Variants in NPFFR2 observed in about 807,000 individuals in gnomAD.
NPFFR2 encodes neuropeptide FF receptor 2, also known as G-protein coupled receptor 74.
NPFFR2 carries 15 observed loss-of-function variants against 13.1 expected under a neutral mutation model. The observed-to-expected ratio is 1.15, with a 90% CI of 0.77 to 1.76. The LOEUF is 1.76. Among genes scored for constraint, NPFFR2 ranks in the 40% most tolerant of loss-of-function variants. NPFFR2 has a pLI of 0.00. For synonymous variants in NPFFR2, 190 were observed against 175.7 expected (o/e 1.08, Z -0.65); for missense variants, 572 against 503.5 (o/e 1.14, Z -1.30).
At chr4:72,088,573 A>C (rs1342397909) in intron 1 of NPFFR2, among the ~76,000 whole-genome samples, 1 of 152,064 alleles carries the variant, frequency 6.6e-6, no homozygotes, top group African/African-American at 2.4e-5. Context: ...TTTATAAAGA[A>C]AGGAGGCTTA....
intron 1 of NPFFR2, among the ~76,000 whole-genome samples, chr4:72,106,341 T>A (rs1180184476): frequency 6.6e-6 from 1 of 151,978 alleles, no homozygotes; most frequent in East Asian, 1.9e-4. Context: ...TTAGTGTTAA[T>A]GGCGAAGCTA....
At chr4:72,128,313 A>G (rs375895147) in intron 1 of NPFFR2, among the ~76,000 whole-genome samples, 2 of 152,332 alleles carry the variant, frequency 1.3e-5, no homozygotes, top group African/African-American at 2.4e-5. Flanking sequence ...GTGCATGCCA[A>G]AAGAAGTGAA....
At chr4:72,043,471 G>T (rs2109757622) in intron 1 of NPFFR2, among the ~76,000 whole-genome samples, 1 of 152,348 alleles carries the variant, frequency 6.6e-6, no homozygotes, top group African/African-American at 2.4e-5. Flanking sequence ...GTCAGTAAGG[G>T]GGCTGTGCCC....
chr4:72,128,238 T>A (rs1239521047), intron 1 of NPFFR2, among the ~76,000 whole-genome samples: 1 of 137,650 alleles, frequency 7.3e-6, no homozygotes, highest in Non-Finnish European at 1.7e-5. Context: ...AAGTGAGTCT[T>A]GACAGAATAT....
rs761341005 is a variant in NPFFR2, at chr4:72,147,634, C to G, written c.1085C>G (p.Ala362Gly). The change falls in exon 4 of 4, where the codon GCT (alanine) becomes GGT (glycine). Residue 362 changes from alanine (A) to glycine (G), a missense_variant. Coordinates refer to ENST00000308744, the MANE Select transcript of NPFFR2 (RefSeq NM_004885.3). The stretch of plus-strand genomic sequence containing the variant: ...CAAAAAAGAGCAAAGCCTATGGAAG[C>G]TTATGCCCTAAAAGCTAAAAGCCAT... ...LCQKRAKPME[A>G]YALKAKSHVL... is the part of the protein sequence containing the mutation. 1.2e-5 allele frequency: 20 copies of G among 1,614,126 alleles called. No individual in the cohort carries two copies. In the South Asian group the frequency reaches 1.8e-4, roughly 14 times the overall value.
At chr4:72,051,709 G>C (rs1719588588) in intron 1 of NPFFR2, among the ~76,000 whole-genome samples, 1 of 152,060 alleles carries the variant, frequency 6.6e-6, no homozygotes, top group South Asian at 2.1e-4. Context: ...TCCAGGATCT[G>C]GTTCTTTGAA....
At chr4:72,135,195 A>G (rs368870928) in intron 2 of NPFFR2, among the ~76,000 whole-genome samples, 93 of 152,236 alleles carry the variant, frequency 6.1e-4, no homozygotes, top group Middle Eastern at 6.8e-3. Context: ...AATCTTTTAG[A>G]ACTTCCCTTT....
At chr4:72,065,020 C>T (rs991111906) in intron 1 of NPFFR2, among the ~76,000 whole-genome samples, 6 of 150,674 alleles carry the variant, frequency 4.0e-5, no homozygotes, top group Admixed American at 3.3e-4. Flanking sequence ...AGCACAATAT[C>T]AATGCATCCA....
intron 1 of NPFFR2, 73 bp downstream of exon 1, chr4:72,032,273 C>A: frequency 1.4e-6 from 2 of 1,434,174 alleles, no homozygotes; most frequent in Non-Finnish European, 1.9e-6. Flanking sequence ...CCAACGCTTG[C>A]CTTGATGACA....
chr4:72,098,193 G>C (rs532666725), intron 1 of NPFFR2, among the ~76,000 whole-genome samples: 1 of 152,204 alleles, frequency 6.6e-6, no homozygotes, highest in African/African-American at 2.4e-5. Flanking sequence ...TGAAATCTAT[G>C]GGATTAAACA....
chr4:72,036,902 T>C lies in NPFFR2; in HGVS notation c.-8+4702T>C, dbSNP rs559204707. 9.2e-5 allele frequency among the ~76,000 whole-genome samples: 14 copies of C among 152,298 alleles called. No individual in the cohort carries two copies. The East Asian group carries it at 2.7e-3, about 29-fold the overall frequency. ...CAAATTTCGATTAAGTGCTTGCACA[T>C]GACCTTATGATTCTCATATCTTGGG... is the stretch of plus-strand genomic sequence containing the variant. On this transcript the variant is annotated intron_variant, in intron 1 of 3. Coordinates refer to ENST00000308744, the MANE Select transcript of NPFFR2 (RefSeq NM_004885.3).
chr4:72,093,905 C>A (rs1720980784), intron 1 of NPFFR2, among the ~76,000 whole-genome samples: 1 of 151,496 alleles, frequency 6.6e-6, no homozygotes, highest in African/African-American at 2.4e-5. Context: ...GGGTGATAAC[C>A]TTGTTTTGTC....
intron 3 of NPFFR2, 123 bp downstream of exon 3, chr4:72,138,262 CT>C (rs1437752422): frequency 1.5e-6 from 1 of 654,342 alleles, no homozygotes; most frequent in Non-Finnish European, 2.7e-6. Context: ...ATATCTACCT[CT>C]TTTTTTAAAT....
intron 2 of NPFFR2, among the ~76,000 whole-genome samples, chr4:72,132,197 C>T (rs914554328): frequency 4.6e-5 from 7 of 151,158 alleles, no homozygotes; most frequent in Non-Finnish European, 7.4e-5. Flanking sequence ...CAGTACGTGT[C>T]GTTCCCCTCT....
At chr4:72,109,803 T>G (rs1432732826) in intron 1 of NPFFR2, among the ~76,000 whole-genome samples, 1 of 152,002 alleles carries the variant, frequency 6.6e-6, no homozygotes, top group Non-Finnish European at 1.5e-5. Context: ...TGCTTTCATC[T>G]CTGTCCAATG....
In NPFFR2 at chr4:72,147,269, A is replaced by C; in HGVS notation, c.720A>C (p.Gly240=). The change falls in exon 4 of 4, where the codon GGA becomes GGC. Residue 240 remains glycine (G), a synonymous_variant. Transcript: ENST00000308744. ...APLSLIVIMY[G]RIGISLFRAA... The stretch of plus-strand genomic sequence containing the variant: ...TCTCCCTCATTGTCATCATGTATGG[A>C]AGGATTGGAATTTCACTCTTCAGGG... The C allele has an allele frequency of 6.2e-7, 1 of 1,614,064 alleles. No individual in the cohort carries two copies. The highest frequency in any genetic ancestry group is 8.5e-7 in the Non-Finnish European group (1 of 1,180,000).
intron 1 of NPFFR2, among the ~76,000 whole-genome samples, chr4:72,121,186 A>C (rs1300940340): frequency 6.6e-6 from 1 of 152,080 alleles, no homozygotes; most frequent in Non-Finnish European, 1.5e-5. Flanking sequence ...TAAAGCGTGA[A>C]GACAAGACTA....
rs1025719017 is a variant in NPFFR2, at chr4:72,075,976, TAC to T, written c.-8+43806_-8+43807del. ...TCTCTGTCACACACACACACACACA[TAC>T]ACACACACACACACACACACACACA... On this transcript the variant is annotated intron_variant, in intron 1 of 3. Coordinates refer to ENST00000308744, the MANE Select transcript of NPFFR2 (RefSeq NM_004885.3). 5.8e-3 allele frequency among the ~76,000 whole-genome samples: 483 copies of T among 83,154 alleles called. 3 individuals are homozygous for T. The highest frequency in any genetic ancestry group is 0.021 in the African/African-American group (462 of 21,496). The allele number at this position is 83,154 out of a possible 152,430, so 54.6% of individuals were successfully genotyped here.
chr4:72,041,206 T>C (rs1429714362), intron 1 of NPFFR2, among the ~76,000 whole-genome samples: 3 of 152,268 alleles, frequency 2.0e-5, no homozygotes, highest in East Asian at 3.9e-4. Context: ...TATCTATGCG[T>C]TTCCAATGAT....
Sources: gnomAD v4.1 joint callset for allele counts (sites outside exome capture counted in the v4.1 genomes callset) on GRCh38, gnomAD v4.1.1 for gene constraint, MANE v1.5 for transcripts, NCBI Gene and HGNC (gene_info 2026-07-23, HGNC 2026-07-21) for gene names.